Variants in ATG7 observed in about 807,000 individuals in gnomAD.
ATG7 encodes the protein ubiquitin-like modifier-activating enzyme ATG7.
A neutral mutation model predicts 82.4 loss-of-function variants in ATG7; 70 were observed. The ratio of observed to expected loss-of-function variants is 0.85; its 90% CI spans 0.70 to 1.04. The LOEUF is 1.04. Ranked by LOEUF, ATG7 falls within the 50% of genes least tolerant of loss-of-function variation. ATG7 has a pLI of 0.00. For synonymous variants in ATG7, 287 were observed against 313.0 expected, an observed-to-expected ratio of 0.92 and a Z score of 0.88; for missense variants, 792 against 864.3, an observed-to-expected ratio of 0.92 and a Z score of 1.05.
In ATG7 at chr3:11,466,005, A is replaced by T. The variant is rs555036863; in HGVS notation, c.2079+39079A>T. Reference sequence around the variant, plus strand: ...TGTGTCTTTCACAGAGGGCAGTAAAATTTAGCTCTAATTATATTTAGGGCA... The same window carrying T: ...TGTGTCTTTCACAGAGGGCAGTAAATTTTAGCTCTAATTATATTTAGGGCA... On this transcript the variant is annotated intron_variant, in intron 20 of 20. Transcript: ENST00000693202. Among the ~76,000 whole-genome samples, 325 of 152,254 alleles carry T rather than the reference A, an allele frequency of 2.1e-3. 1 individual carries two copies. The highest frequency in any genetic ancestry group is 7.5e-3 in the African/African-American group (310 of 41,548).
intron 9 of ATG7, among the ~76,000 whole-genome samples, chr3:11,318,691 G>T (rs1041182674): frequency 2.6e-5 from 4 of 152,208 alleles, no homozygotes; most frequent in Non-Finnish European, 5.9e-5. Flanking sequence ...GGTCTCTTCA[G>T]TTCCAGTTCC....
chr3:11,571,986 AG>A, the ATG7 span, among the ~76,000 whole-genome samples: 2 of 152,320 alleles, frequency 1.3e-5, no homozygotes, highest in East Asian at 3.9e-4. Context: ...ACGTACCTGC[AG>A]CCCCAGCTAC....
At chr3:11,499,538 GAGT>G (rs1426572727) in intron 20 of ATG7, among the ~76,000 whole-genome samples, 7 of 152,128 alleles carry the variant, frequency 4.6e-5, no homozygotes, top group Non-Finnish European at 8.8e-5. Flanking sequence ...CTGAGGTCAG[GAGT>G]TCGAGACCAG....
chr3:11,568,538 C>G, the ATG7 span: 361 of 1,548,706 alleles, frequency 2.3e-4, no homozygotes, highest in Non-Finnish European at 3.1e-4. This position sits in a 1 kb window ranked among gnomAD's most constrained non-coding sequence, Gnocchi z 5.9. Context: ...GACAAAGACA[C>G]TGAAAACAGC....
downstream of ATG7, chr3:11,559,564 C>A: frequency 7.2e-7 from 1 of 1,391,272 alleles, no homozygotes; most frequent in Non-Finnish European, 9.4e-7. Flanking sequence ...CCTTCCTGAC[C>A]CAGTCTGCCA....
intron 20 of ATG7, among the ~76,000 whole-genome samples, chr3:11,534,398 T>A (rs926090580): frequency 5.9e-5 from 9 of 152,224 alleles, no homozygotes; most frequent in Non-Finnish European, 1.2e-4. Context: ...CTGTTGGTCT[T>A]GGAACAGAGG....
rs948023431 is a variant in ATG7 at position 11,365,858 on chromosome 3, G to A, written c.1875+1124G>A. On this transcript the variant is annotated intron_variant, in intron 18 of 20. Coordinates refer to ENST00000693202, the MANE Select transcript of ATG7 (RefSeq NM_001349232.2). ...AAAGGTCTTGTGAGTTGAAAGATCC[G>A]TGGCCTGCATGTTGGGAGATTTTGC... Among the ~76,000 whole-genome samples the A allele has an allele frequency of 9.2e-5, 14 of 152,276 alleles. No individual in the cohort carries two copies. The East Asian group carries it at 2.3e-3, about 25-fold the overall frequency.
chr3:11,385,955 C>T (rs2078287993), intron 19 of ATG7, among the ~76,000 whole-genome samples: 1 of 152,174 alleles, frequency 6.6e-6, no homozygotes, highest in Non-Finnish European at 1.5e-5. Context: ...TTGTCTAATG[C>T]TTAAAGCTGC....
intron 14 of ATG7, among the ~76,000 whole-genome samples, chr3:11,350,800 G>A (rs928627826): frequency 1.3e-5 from 2 of 151,776 alleles, no homozygotes; most frequent in African/African-American, 4.8e-5. Context: ...GAATAATCCA[G>A]TCTAGGCTGC....
At chr3:11,412,203 T>TAG (rs960348786) in intron 19 of ATG7, among the ~76,000 whole-genome samples, 1 of 151,158 alleles carries the variant, frequency 6.6e-6, no homozygotes, top group Non-Finnish European at 1.5e-5. Context: ...AAATAAAAAC[T>TAG]AGAGAGGGGT....
chr3:11,296,179 C>T (rs930292281), intron 3 of ATG7, among the ~76,000 whole-genome samples: 13 of 152,256 alleles, frequency 8.5e-5, no homozygotes, highest in Middle Eastern at 3.4e-3. Context: ...ATCATTGTCA[C>T]CTGTGTTAGC....
intron 19 of ATG7, among the ~76,000 whole-genome samples, chr3:11,412,127 C>G (rs1426321395): frequency 6.6e-6 from 1 of 152,054 alleles, no homozygotes; most frequent in Non-Finnish European, 1.5e-5. Flanking sequence ...AGTCTCAAAT[C>G]CATCTCCCTG....
In ATG7 at chr3:11,554,863, TGAC is replaced by T. The variant is rs757821274; in HGVS notation, c.*21_*23del. 3 of 1,611,784 alleles carry T rather than the reference TGAC, an allele frequency of 1.9e-6. No homozygotes were observed. Among genetic ancestry groups the T allele is most frequent in the Non-Finnish European group, 2.5e-6 (3 of 1,179,440 alleles). On this transcript the variant is annotated 3_prime_UTR_variant, in exon 21 of 21. Transcript: ENST00000693202. ...ATCTGAGATGGCCCCGCTGTGGGGC[TGAC>T]TTCTCCCCGGCCGCCTGCTGAGGAG...
At chr3:11,379,235 T>C (rs746653554) in intron 18 of ATG7, among the ~76,000 whole-genome samples, 6 of 152,222 alleles carry the variant, frequency 3.9e-5, no homozygotes, top group African/African-American at 1.2e-4. Flanking sequence ...AGTTTAGAGA[T>C]GTTACCATTC....
intron 19 of ATG7, among the ~76,000 whole-genome samples, chr3:11,413,056 A>G: frequency 6.6e-6 from 1 of 152,132 alleles, no homozygotes; most frequent in East Asian, 1.9e-4. Context: ...GCTTTGCTGA[A>G]TTCAGTTTTT....
chr3:11,367,016 TA>T (rs1260313644), intron 18 of ATG7, among the ~76,000 whole-genome samples: 8 of 151,328 alleles, frequency 5.3e-5, no homozygotes, highest in African/African-American at 9.7e-5. Flanking sequence ...TGTGTGTGTT[TA>T]CTTGCTTACA....
chr3:11,380,430 T>C (rs981719907), intron 19 of ATG7, among the ~76,000 whole-genome samples: 9 of 152,220 alleles, frequency 5.9e-5, no homozygotes, highest in Non-Finnish European at 1.3e-4. Context: ...GCCCTGGCTA[T>C]GCATCTTCTG....
intron 20 of ATG7, among the ~76,000 whole-genome samples, chr3:11,444,839 A>T (rs1270674011): frequency 2.0e-5 from 3 of 150,132 alleles, no homozygotes; most frequent in African/African-American, 7.4e-5. Flanking sequence ...AATATCCAGC[A>T]CTACAAGGAA....
intron 20 of ATG7, chr3:11,488,367 C>T (rs62245922): frequency 0.17 from 156,475 of 922,816 alleles, 14,623 homozygotes; most frequent in African/African-American, 0.33. Flanking sequence ...CGGCACTCGC[C>T]GGCGCGGCGG....
Sources: gnomAD v4.1 joint callset for allele counts (sites outside exome capture counted in the v4.1 genomes callset) on GRCh38, gnomAD v4.1.1 for gene constraint, Gnocchi (gnomAD v3.1) non-coding constraint, MANE v1.5 for transcripts, NCBI Gene and HGNC (gene_info 2026-07-23, HGNC 2026-07-21) for gene names.